Variants in VIPR2 observed in about 807,000 individuals in gnomAD.
VIPR2 encodes vasoactive intestinal polypeptide receptor 2.
VIPR2 carries 48 observed loss-of-function variants against 58.0 expected under a neutral mutation model. The observed-to-expected ratio is 0.83, with a 90% CI of 0.66 to 1.05. The LOEUF (loss-of-function observed/expected upper bound fraction) is 1.05. Among genes scored for constraint, VIPR2 ranks in the 50% least tolerant of loss-of-function variants. VIPR2 has a pLI of 0.00. For missense variants in VIPR2, 534 were observed against 558.0 expected (o/e 0.96, Z 0.43); for synonymous variants, 243 against 235.2 (o/e 1.03, Z -0.30).
chr7:159,093,280 C>A lies in VIPR2; in HGVS notation c.357+10477G>T, dbSNP rs73730161. Among the ~76,000 whole-genome samples, 1 of 152,204 alleles carries A rather than the reference C, an allele frequency of 6.6e-6. No homozygotes were observed. Among genetic ancestry groups the A allele is most frequent in the Non-Finnish European group, 1.5e-5 (1 of 68,044 alleles). On this transcript the variant is annotated intron_variant, in intron 4 of 12. Coordinates refer to ENST00000262178, the MANE Select transcript of VIPR2 (RefSeq NM_003382.5). The surrounding 1 kb of genome is among the most constrained non-coding windows in gnomAD (Gnocchi z 6.7). ...CTTTTCCTTAGGTTGAGACTGAAAA[C>A]GTCAACACAGGAGGCTGGTCTCGTC...
chr7:159,064,898 C>T (rs1855995407), intron 4 of VIPR2, among the ~76,000 whole-genome samples: 1 of 152,176 alleles, frequency 6.6e-6, no homozygotes, highest in East Asian at 1.9e-4. Flanking sequence ...GTGGAGGAAG[C>T]TCCTGTCTCA....
At chr7:159,131,682 G>T (rs1359108100) in intron 2 of VIPR2, among the ~76,000 whole-genome samples, 3 of 152,168 alleles carry the variant, frequency 2.0e-5, no homozygotes, top group Non-Finnish European at 2.9e-5. Flanking sequence ...TGTAAGACTG[G>T]CTTAATAAAC....
rs369427659 is a variant in VIPR2, at chr7:159,034,214, T to C, written c.970A>G (p.Lys324Glu). The C allele has an allele frequency of 1.2e-6, 2 of 1,613,778 alleles. No homozygotes were observed. Among genetic ancestry groups the C allele is most frequent in the African/African-American group, 1.3e-5 (1 of 74,940 alleles). Residue 324 changes from lysine to glutamate, a missense_variant and splice_region_variant, in exon 10 of 13, where the codon AAG becomes GAG. Lys to Glu is a moderately conservative substitution (Grantham distance 56, BLOSUM62 1). Transcript: ENST00000262178. The stretch of plus-strand genomic sequence containing the variant: ...GGCCAGGCCGGGACACACACTCACT[T>C]GTACTGAGACTGGTCGTTGCCGCCG... ...DVGGNDQSQY[K>E]RLAKSTLLLI...
At chr7:159,142,850 C>T (rs1797529135) in intron 1 of VIPR2, among the ~76,000 whole-genome samples, 1 of 152,236 alleles carries the variant, frequency 6.6e-6, no homozygotes, top group African/African-American at 2.4e-5. Flanking sequence ...CTCCATTCAT[C>T]TCTCCATACC....
At chr7:159,047,332 T>C (rs1440267286) in intron 5 of VIPR2, among the ~76,000 whole-genome samples, 1 of 152,246 alleles carries the variant, frequency 6.6e-6, no homozygotes, top group East Asian at 1.9e-4. Context: ...TGATGAGTTG[T>C]GTGGTTAAGA....
chr7:159,035,398 T>C (rs796837382), intron 8 of VIPR2, among the ~76,000 whole-genome samples: 39 of 152,206 alleles, frequency 2.6e-4, no homozygotes, highest in African/African-American at 8.9e-4. Context: ...AACCACCAAA[T>C]TTTGGAGTGA....
intron 4 of VIPR2, among the ~76,000 whole-genome samples, chr7:159,078,885 G>T (rs1044509393): frequency 6.6e-6 from 1 of 152,112 alleles, no homozygotes; most frequent in African/African-American, 2.4e-5. Context: ...GGCATTTTTG[G>T]ACGCTAGGTG....
At chr7:159,077,554 T>C (rs1856699868) in intron 4 of VIPR2, among the ~76,000 whole-genome samples, 2 of 151,380 alleles carry the variant, frequency 1.3e-5, no homozygotes, top group African/African-American at 2.4e-5. Context: ...AGTGTGCCTG[T>C]TATCAGATTC....
At position 159,035,956 on chromosome 7, in the gene VIPR2, T is replaced by C; in HGVS notation, c.805A>G (p.Thr269Ala). The stretch of plus-strand genomic sequence containing the variant: ...GCAGTCTGGTCATGGACTCACCCGG[T>C]GTCTTCTAAGTAGAGCCTGGCCGCA... The part of the protein sequence containing the change: ...WTAARLYLED[T>A]GCWDTNDHSV... The change falls in exon 8 of 13, where the codon ACC becomes GCC. Residue 269 changes from threonine (T) to alanine (A), a missense_variant. Thr to Ala is a moderately conservative substitution (Grantham distance 58). Around this residue, in one of 3 missense-constraint regions of VIPR2, gnomAD observed 306 missense variants for 285.8 expected, o/e 1.07. Coordinates refer to ENST00000262178, the MANE Select transcript of VIPR2 (RefSeq NM_003382.5). 5.0e-6 allele frequency: 8 copies of C among 1,613,760 alleles called. No individual in the cohort carries two copies. Among genetic ancestry groups the C allele is most frequent in the Non-Finnish European group, 5.9e-6 (7 of 1,179,810 alleles).
At chr7:159,092,645 CTTTTCTTT>C (rs1244676360) in intron 4 of VIPR2, among the ~76,000 whole-genome samples, 181 of 137,148 alleles carry the variant, frequency 1.3e-3, no homozygotes, top group Non-Finnish European at 2.3e-3. Flanking sequence ...GTTTTCTTTT[CTTTTCTTT>C]TTTTTTTTTT....
chr7:159,130,616 C>T (rs1796869157), intron 2 of VIPR2, among the ~76,000 whole-genome samples: 1 of 152,066 alleles, frequency 6.6e-6, no homozygotes, highest in South Asian at 2.1e-4. Context: ...CTAGCACCCC[C>T]CAATCCCCAA....
chr7:159,122,115 A>G (rs528395542), intron 2 of VIPR2, among the ~76,000 whole-genome samples: 4 of 152,338 alleles, frequency 2.6e-5, no homozygotes, highest in South Asian at 2.1e-4. Context: ...GTGGAGTTCT[A>G]GAGGTCACTT....
chr7:159,050,210 G>A (rs1312371530), intron 5 of VIPR2, among the ~76,000 whole-genome samples: 1 of 151,894 alleles, frequency 6.6e-6, no homozygotes, highest in African/African-American at 2.4e-5. Flanking sequence ...GGTGGTGCAC[G>A]CTTGTAATCC....
chr7:159,055,764 G>A (rs1321065894), intron 5 of VIPR2, among the ~76,000 whole-genome samples: 1 of 152,190 alleles, frequency 6.6e-6, no homozygotes. Flanking sequence ...GCTCAGAGAT[G>A]AGCATGCTTT....
chr7:159,085,624 C>G (rs557908477), intron 4 of VIPR2, among the ~76,000 whole-genome samples: 1 of 152,174 alleles, frequency 6.6e-6, no homozygotes, highest in Non-Finnish European at 1.5e-5. Flanking sequence ...ACGGCTGTCA[C>G]GCTGAAGCTG....
chr7:159,139,845 C>T (rs1797390601), intron 2 of VIPR2, among the ~76,000 whole-genome samples: 1 of 152,258 alleles, frequency 6.6e-6, no homozygotes, highest in African/African-American at 2.4e-5. Flanking sequence ...ACAAAGCCCC[C>T]TCAGGGACCT....
Position 159,095,112 on chromosome 7 carries a change from T to C in VIPR2, c.357+8645A>G, listed in dbSNP as rs183688689. Among the ~76,000 whole-genome samples the C allele has an allele frequency of 8.7e-4, 132 of 152,272 alleles. No individual in the cohort carries two copies. Among genetic ancestry groups the C allele is most frequent in the Non-Finnish European group, 1.0e-3 (69 of 68,026 alleles). ...GAGAGGGGCTAGGGAGAGTTCCAGA[T>C]TAAAGCCGGGGAGCCACCACAACCA... On this transcript the variant is annotated intron_variant, in intron 4 of 12. Coordinates refer to ENST00000262178, the MANE Select transcript of VIPR2 (RefSeq NM_003382.5). The surrounding 1 kb of genome is among the most constrained non-coding windows in gnomAD (Gnocchi z 5.2).
chr7:159,101,661 T>C (rs1312400621), intron 4 of VIPR2, among the ~76,000 whole-genome samples: 64 of 131,890 alleles, frequency 4.9e-4, no homozygotes, highest in African/African-American at 7.0e-4. Context: ...TTCCCCCGAC[T>C]GTTCCTGTGG....
intron 4 of VIPR2, among the ~76,000 whole-genome samples, chr7:159,064,740 C>G (rs1243426411): frequency 4.6e-5 from 7 of 152,302 alleles, no homozygotes; most frequent in African/African-American, 1.7e-4. Context: ...GCTGGCCCGG[C>G]CTTCGCCCCA....
Sources: gnomAD v4.1 joint callset for allele counts (sites outside exome capture counted in the v4.1 genomes callset) on GRCh38, gnomAD v4.1.1 for gene constraint, gnomAD v4.1.1 regional missense constraint, Gnocchi (gnomAD v3.1) non-coding constraint, MANE v1.5 for transcripts, NCBI Gene and HGNC (gene_info 2026-07-23, HGNC 2026-07-21) for gene names.